Variants in STX4 observed in about 807,000 individuals in gnomAD.
STX4 encodes the protein syntaxin-4.
STX4 carries 24 observed loss-of-function variants against 41.8 expected under a neutral mutation model. The observed-to-expected ratio is 0.57, with a 90% CI of 0.42 to 0.81. STX4 has a LOEUF of 0.81. Ranked by LOEUF, STX4 falls within the 30% of genes least tolerant of loss-of-function variation. The probability of loss-of-function intolerance (pLI) is 0.00; values close to 1 mark genes in which losing one functional copy is unlikely to be tolerated. For synonymous variants in STX4, 158 were observed against 156.4 expected, an observed-to-expected ratio of 1.01 and a Z score of -0.08; for missense variants, 316 against 389.9, an observed-to-expected ratio of 0.81 and a Z score of 1.60.
Position 31,039,684 on chromosome 16 carries a change from C to T in STX4, c.813+33C>T, listed in dbSNP as rs776631760. The stretch of plus-strand genomic sequence containing the variant: ...TCCCAGGCCCGGCCACTGCCCCAGG[C>T]ACCCTGTGTGACTTCCCTGACCCCC... On this transcript the variant is annotated intron_variant, in intron 9 of 10. Coordinates refer to ENST00000313843, the MANE Select transcript of STX4 (RefSeq NM_004604.5). This position sits in a 1 kb window ranked among gnomAD's most constrained non-coding sequence, Gnocchi z 4.1. 3.7e-6 allele frequency: 6 copies of T among 1,614,150 alleles called. No homozygotes were observed. In the South Asian group the frequency reaches 5.5e-5, roughly 15 times the overall value.
chr16:31,039,889 T>C lies in STX4; in HGVS notation c.*16-23T>C. ...CAGCCCTCCCTCCTCCCTCAGACCCTGTTCTCCCTCCTTTCCTTACAGGCA... is the reference window on the plus strand; with the variant it reads ...CAGCCCTCCCTCCTCCCTCAGACCCCGTTCTCCCTCCTTTCCTTACAGGCA... On this transcript the variant is annotated intron_variant, in intron 10 of 10. Transcript: ENST00000313843. The surrounding 1 kb of genome is among the most constrained non-coding windows in gnomAD (Gnocchi z 4.1). The C allele has an allele frequency of 1.4e-6, 2 of 1,472,048 alleles. No homozygotes were observed. The highest frequency in any genetic ancestry group is 2.3e-5 in the East Asian group (1 of 44,118). The allele number at this position is 1,472,048 out of a possible 1,614,324, so 91.2% of individuals were successfully genotyped here.
chr16:31,034,245 C>G lies in STX4; in HGVS notation c.152C>G (p.Thr51Ser), dbSNP rs2056781108. The G allele has an allele frequency of 6.2e-7, 1 of 1,614,056 alleles. No individual in the cohort carries two copies. Among genetic ancestry groups the G allele is most frequent in the African/African-American group, 1.3e-5 (1 of 74,930 alleles). ...FFHKVRTIRQ[T>S]IVKLGNKVQE... ...CCCCAGGTCCGGACAATTCGGCAGACTATTGTCAAACTGGGGAATAAAGTC... is the reference window on the plus strand; with the variant it reads ...CCCCAGGTCCGGACAATTCGGCAGAGTATTGTCAAACTGGGGAATAAAGTC... The change falls in exon 3 of 11, where the codon ACT becomes AGT. Residue 51 changes from threonine to serine, a missense_variant. Physicochemically the swap from Thr to Ser is moderately conservative, Grantham distance 58 (BLOSUM62 1). Transcript: ENST00000313843.
In STX4 at chr16:31,038,632, C is replaced by G. The variant is rs767314374; in HGVS notation, c.687C>G (p.Thr229=). 2 of 1,614,008 alleles carry G rather than the reference C, an allele frequency of 1.2e-6. No individual in the cohort carries two copies. The highest frequency in any genetic ancestry group is 1.7e-6 in the Non-Finnish European group (2 of 1,179,990). The change falls in exon 8 of 11, where the codon ACC becomes ACG. Residue 229 remains threonine, a synonymous_variant. Transcript: ENST00000313843. ...ACGACATATTCACTTTTCTGGCTAC[C>G]GAAGTGGAGATGCAGGTGGGTGCCC... ...ELHDIFTFLA[T]EVEMQGEMIN... is the part of the protein sequence containing the mutation.
intron 5 of STX4, 23 bp from the exon 6 acceptor site, chr16:31,037,903 C>T (rs758718147): frequency 6.2e-7 from 1 of 1,613,350 alleles, no homozygotes; most frequent in Non-Finnish European, 8.5e-7. Context: ...CAGGGGCACT[C>T]AGCCTATATT....
intron 4 of STX4, 67 bp downstream of exon 4, chr16:31,034,603 A>T: frequency 6.8e-7 from 1 of 1,460,736 alleles, no homozygotes; most frequent in Non-Finnish European, 9.1e-7. Flanking sequence ...ATATCTGGGG[A>T]GTGTGTGGCC....
In STX4 at chr16:31,039,871, C is replaced by T. The variant is rs2143730340; in HGVS notation, c.*16-41C>T. On this transcript the variant is annotated intron_variant, in intron 10 of 10. Transcript: ENST00000313843. This position sits in a 1 kb window ranked among gnomAD's most constrained non-coding sequence, Gnocchi z 4.1. ...CTGCCCCAGCCCTGGCCCCAGCCCT[C>T]CCTCCTCCCTCAGACCCTGTTCTCC... 6.4e-7 allele frequency: 1 copy of T among 1,550,646 alleles called. No individual in the cohort carries two copies. The highest frequency in any genetic ancestry group is 8.9e-7 in the Non-Finnish European group (1 of 1,124,024).
In STX4 at chr16:31,037,714, A is replaced by T. The variant is rs528381914; in HGVS notation, c.379-212A>T. Among the ~76,000 whole-genome samples the T allele has an allele frequency of 6.1e-4, 85 of 138,474 alleles. 1 individual carries two copies. In the East Asian group the frequency reaches 0.01, roughly 17 times the overall value. 90.8% of individuals were successfully genotyped at this position (138,474 alleles called of 152,430 possible). A position where few individuals can be genotyped will look rare whatever the true frequency, so the allele number is the denominator to read the frequency against. ...ATAAATAAATAAATAAATAAATAAAAAAGATCATGGAGGACCACATAGGCC... is the reference window on the plus strand; with the variant it reads ...ATAAATAAATAAATAAATAAATAAATAAGATCATGGAGGACCACATAGGCC... On this transcript the variant is annotated intron_variant, in intron 5 of 10. Coordinates refer to ENST00000313843, the MANE Select transcript of STX4 (RefSeq NM_004604.5).
chr16:31,035,717 GGAAGAGGAACTTCCTTGGGGCAACACT>G (rs2056794598), intron 5 of STX4: 1 of 152,188 alleles, frequency 6.6e-6, no homozygotes, highest in Non-Finnish European at 1.5e-5. Flanking sequence ...CAAGAAGTCA[GGAAGAGGAACTTCCTTGGGGCAACACT>G]GAAGAGGAAC....
chr16:31,036,774 GTT>G (rs1187830238), intron 5 of STX4, among the ~76,000 whole-genome samples: 2 of 152,120 alleles, frequency 1.3e-5, no homozygotes, highest in Non-Finnish European at 2.9e-5. Flanking sequence ...ACTTAAAGGT[GTT>G]TGCTGGGAAT....
chr16:31,034,912 A>C (rs1011979508), intron 4 of STX4, 58 bp from the exon 5 acceptor site: 7 of 1,390,568 alleles, frequency 5.0e-6, no homozygotes, highest in Non-Finnish European at 2.0e-6. Flanking sequence ...GATAAATTAT[A>C]TTTCCCTAAA....
rs1191419279 is a variant in STX4 at position 31,038,500 on chromosome 16, C to T, written c.565-10C>T. On this transcript the variant is annotated splice_polypyrimidine_tract_variant and intron_variant, in intron 7 of 10. Transcript: ENST00000313843. The stretch of plus-strand genomic sequence containing the variant: ...TGTGAACAGTTGCCCCACTCCTGTC[C>T]ACCCCCCAGATCCTGAAGGACACGC... 1 of 1,614,042 alleles carries T rather than the reference C, an allele frequency of 6.2e-7. No homozygotes were observed. Among genetic ancestry groups the T allele is most frequent in the Admixed American group, 1.7e-5 (1 of 59,994 alleles).
chr16:31,033,587 GA>G lies in STX4; in HGVS notation c.-215del, dbSNP rs1415435323. On this transcript the variant is annotated 5_prime_UTR_variant, in exon 1 of 11. Coordinates refer to ENST00000313843, the MANE Select transcript of STX4 (RefSeq NM_004604.5). This position sits in a 1 kb window ranked among gnomAD's most constrained non-coding sequence, Gnocchi z 5.5. ...AGGCTGCGGGAGCTGGAGCGGGGAA[GA>G]AAAGGGAATTCCAACCTGTGGAACC... 6 of 1,529,312 alleles carry G rather than the reference GA, an allele frequency of 3.9e-6. No homozygotes were observed. Among genetic ancestry groups the G allele is most frequent in the African/African-American group, 1.4e-5 (1 of 72,586 alleles). The allele number at this position is 1,529,312 out of a possible 1,614,324, so 94.7% of individuals were successfully genotyped here.
At chr16:31,034,779 C>A (rs1211186965) in intron 4 of STX4, 191 bp from the exon 5 acceptor site, 1 of 688,494 alleles carries the variant, frequency 1.5e-6, no homozygotes. Context: ...ACTGGGCATT[C>A]TTTGGGCAGG....
At chr16:31,037,062 C>CCCCCTTTTTTTTTTTTT (rs1555496667) in intron 5 of STX4, among the ~76,000 whole-genome samples, 1 of 144,778 alleles carries the variant, frequency 6.9e-6, no homozygotes. Context: ...AGACCCCCCC[C>CCCCCTTTTTTTTTTTTT]CCTTTTTTTT....
intron 6 of STX4, 29 bp downstream of exon 6, chr16:31,038,063 C>A (rs2056816589): frequency 1.2e-6 from 2 of 1,613,936 alleles, no homozygotes; most frequent in East Asian, 4.5e-5. Context: ...GCCTGGCCCG[C>A]AGGGGCAGGT....
Position 31,039,740 on chromosome 16 carries a change from C to T in STX4, c.831C>T (p.Ala277=). Residue 277 remains alanine, a synonymous_variant, in exon 10 of 11, where the codon GCC becomes GCT. Coordinates refer to ENST00000313843, the MANE Select transcript of STX4 (RefSeq NM_004604.5). The surrounding 1 kb of genome is among the most constrained non-coding windows in gnomAD (Gnocchi z 4.1). ...KKARKKKVLI[A]ICVSITVVLL... is the part of the protein sequence containing the mutation. ...TCCCACAGAAGAAAGTCTTGATTGC[C>T]ATCTGTGTGTCCATCACCGTCGTCC... The T allele has an allele frequency of 6.2e-7, 1 of 1,614,194 alleles. No individual in the cohort carries two copies. The highest frequency in any genetic ancestry group is 1.1e-5 in the South Asian group (1 of 91,086).
chr16:31,034,490 C>T lies in STX4; in HGVS notation c.261C>T (p.Arg87=), dbSNP rs1291585589. The change falls in exon 4 of 11, where the codon CGC becomes CGT. Residue 87 remains arginine, a synonymous_variant. Transcript: ENST00000313843. ...TGAAGCAGGAGCTGCAGAACCTGCG[C>T]GATGAGATCAAACAGCTGGGGAGGG... ...ESMKQELQNL[R]DEIKQLGREI... is the part of the protein sequence containing the mutation. The T allele has an allele frequency of 1.2e-6, 2 of 1,604,784 alleles. No homozygotes were observed. The highest frequency in any genetic ancestry group is 1.7e-6 in the Non-Finnish European group (2 of 1,174,224).
rs2056828180 is a variant in STX4 at position 31,039,566 on chromosome 16, A to G, written c.728A>G (p.Lys243Arg). ...GGGGAGATGATCAATCGGATTGAGA[A>G]GAACATCCTGAGCTCAGCGGACTAC... ...MQGEMINRIE[K>R]NILSSADYVE... The change falls in exon 9 of 11, where the codon AAG becomes AGG. Residue 243 changes from lysine to arginine, a missense_variant. By Grantham distance (26) the Lys-to-Arg change is conservative. Coordinates refer to ENST00000313843, the MANE Select transcript of STX4 (RefSeq NM_004604.5). The surrounding 1 kb of genome is among the most constrained non-coding windows in gnomAD (Gnocchi z 4.1). 1 of 1,614,018 alleles carries G rather than the reference A, an allele frequency of 6.2e-7. No individual in the cohort carries two copies. Among genetic ancestry groups the G allele is most frequent in the Admixed American group, 1.7e-5 (1 of 60,006 alleles).
chr16:31,033,212 C>T, upstream of STX4: 2 of 633,808 alleles, frequency 3.2e-6, no homozygotes, highest in Non-Finnish European at 6.0e-6. This position sits in a 1 kb window ranked among gnomAD's most constrained non-coding sequence, Gnocchi z 5.5. Flanking sequence ...AGAACGGCGT[C>T]CCAGAGACGG....
Sources: gnomAD v4.1 joint callset for allele counts (sites outside exome capture counted in the v4.1 genomes callset) on GRCh38, gnomAD v4.1.1 for gene constraint, Gnocchi (gnomAD v3.1) non-coding constraint, MANE v1.5 for transcripts, NCBI Gene and HGNC (gene_info 2026-07-23, HGNC 2026-07-21) for gene names.